Variants in GPR176 observed in about 807,000 individuals in gnomAD.
The protein encoded by GPR176 is G protein-coupled receptor 176, also known as G-protein coupled receptor 176.
Under a neutral mutation model 35.4 loss-of-function variants are expected in GPR176, and 26 were observed. The ratio of observed to expected loss-of-function variants is 0.74; its 90% CI spans 0.54 to 1.02. The LOEUF (loss-of-function observed/expected upper bound fraction) is 1.02, where lower values mean the gene tolerates loss of function less well. GPR176 is among the 50% of genes least tolerant of loss of function. The probability of loss-of-function intolerance (pLI) is 0.00; values close to 1 mark genes in which losing one functional copy is unlikely to be tolerated. For synonymous variants in GPR176, 278 were observed against 271.3 expected (o/e 1.02, Z -0.24); for missense variants, 597 against 665.3 (o/e 0.90, Z 1.13).
rs557396308 is a variant in GPR176 at position 39,858,272 on chromosome 15, C to T, written c.173-51014G>A. On this transcript the variant is annotated intron_variant, in intron 1 of 2. Transcript: ENST00000561100. ...CTGTTAGAAATAAAATCCAATATTG[C>T]ACCAAGCATAATATGGGAATCCCAA... 3.9e-5 allele frequency among the ~76,000 whole-genome samples: 6 copies of T among 152,278 alleles called. No individual in the cohort carries two copies. The South Asian group carries it at 8.3e-4, about 21-fold the overall frequency.
intron 1 of GPR176, among the ~76,000 whole-genome samples, chr15:39,839,596 A>G (rs1343785363): frequency 6.6e-6 from 1 of 152,242 alleles, no homozygotes; most frequent in African/African-American, 2.4e-5. Flanking sequence ...AAACACCAAA[A>G]GCAATGGCAA....
At chr15:39,862,188 GT>G (rs2031626127) in intron 1 of GPR176, 1 of 152,088 alleles carries the variant, frequency 6.6e-6, no homozygotes, top group African/African-American at 2.4e-5. Context: ...AAAATTTTAT[GT>G]TTTATTCTGA....
chr15:39,824,467 T>A (rs1900492487), intron 1 of GPR176, among the ~76,000 whole-genome samples: 1 of 152,212 alleles, frequency 6.6e-6, no homozygotes, highest in Non-Finnish European at 1.5e-5. Context: ...CCAATGCACA[T>A]CAGGCCTGCC....
At position 39,878,881 on chromosome 15, in the gene GPR176, C is replaced by T. The variant is rs184813062; in HGVS notation, c.172+40974G>A. On this transcript the variant is annotated intron_variant, in intron 1 of 2. Coordinates refer to ENST00000561100, the MANE Select transcript of GPR176 (RefSeq NM_007223.3). ...TGACAGTCAGGGAGGGGTGGCTGGCCGAAAGGCCAACACTGAAGAAACCCC... is the reference window on the plus strand; with the variant it reads ...TGACAGTCAGGGAGGGGTGGCTGGCTGAAAGGCCAACACTGAAGAAACCCC... Among the ~76,000 whole-genome samples the T allele has an allele frequency of 1.6e-4, 25 of 152,290 alleles. 1 individual carries two copies. In the East Asian group the frequency reaches 2.7e-3, roughly 16 times the overall value.
At chr15:39,835,130 G>A (rs377209639) in intron 1 of GPR176, among the ~76,000 whole-genome samples, 1 of 152,060 alleles carries the variant, frequency 6.6e-6, no homozygotes, top group East Asian at 1.9e-4. Context: ...CAATTCTCCT[G>A]CTTCAGCCTC....
At chr15:39,859,841 T>C (rs914071507) in intron 1 of GPR176, among the ~76,000 whole-genome samples, 1 of 152,114 alleles carries the variant, frequency 6.6e-6, no homozygotes, top group Non-Finnish European at 1.5e-5. Flanking sequence ...TTAATGGGTG[T>C]AGAGTTTCAG....
At chr15:39,919,746 A>G (rs2033824278) in intron 1 of GPR176, 109 bp downstream of exon 1, 1 of 805,076 alleles carries the variant, frequency 1.2e-6, no homozygotes, top group Non-Finnish European at 1.8e-6. Flanking sequence ...AACTCTCTGC[A>G]CTTTGCCAGG....
In GPR176 at chr15:39,801,528, T is replaced by C; in HGVS notation, c.1152A>G (p.Thr384=). The C allele has an allele frequency of 6.2e-7, 1 of 1,614,170 alleles. No homozygotes were observed. The highest frequency in any genetic ancestry group is 1.1e-5 in the South Asian group (1 of 91,090). ...TGGCCTCACTCTCTTCCTCATCCTC[T>C]GTGGGCTTAAAGATCTGCTGCTGCC... ...HIGQQQIFKP[T]EDEEESEAKY... is the part of the protein sequence containing the mutation. The change falls in exon 3 of 3, where the codon ACA becomes ACG. Residue 384 remains threonine (T), a synonymous_variant. Coordinates refer to ENST00000561100, the MANE Select transcript of GPR176 (RefSeq NM_007223.3).
At chr15:39,804,626 A>AAAAAAAC (rs1183466555) in intron 2 of GPR176, among the ~76,000 whole-genome samples, 1 of 152,194 alleles carries the variant, frequency 6.6e-6, no homozygotes, top group Non-Finnish European at 1.5e-5. Flanking sequence ...TTAAAAAAAA[A>AAAAAAAC]AAAAAACTTT....
chr15:39,815,724 T>C (rs1899858699), intron 1 of GPR176, among the ~76,000 whole-genome samples: 2 of 152,366 alleles, frequency 1.3e-5, no homozygotes, highest in South Asian at 2.1e-4. Flanking sequence ...ACAGCCATTA[T>C]GACAAACACC....
rs779719596 is a variant in GPR176, at chr15:39,801,154, A to G, written c.1526T>C (p.Ile509Thr). 1 of 1,603,402 alleles carries G rather than the reference A, an allele frequency of 6.2e-7. No homozygotes were observed. The highest frequency in any genetic ancestry group is 8.5e-7 in the Non-Finnish European group (1 of 1,173,136). ...TTGCTAGGAATCCACCTTTGGAAAA[A>G]TGCTCACTTTATTGTTTCTGCTCAT... ...RKMSRNNKVSIFPKVDS is the reference protein window; with the variant it reads ...RKMSRNNKVSTFPKVDS Residue 509 changes from isoleucine (I) to threonine (T), a missense_variant, in exon 3 of 3, where the codon ATT (isoleucine) becomes ACT (threonine). By Grantham distance (89) the Ile-to-Thr change is moderately conservative. This residue lies in a region of GPR176 where 251 missense variants were observed against 255.4 expected (regional missense o/e 0.98). Coordinates refer to ENST00000561100, the MANE Select transcript of GPR176 (RefSeq NM_007223.3).
intron 1 of GPR176, among the ~76,000 whole-genome samples, chr15:39,866,755 C>T (rs561276801): frequency 6.6e-5 from 10 of 152,142 alleles, no homozygotes; most frequent in East Asian, 1.9e-4. Flanking sequence ...TGTGTATCCC[C>T]GAATCTAAAA....
At chr15:39,871,065 C>T (rs896842755) in intron 1 of GPR176, among the ~76,000 whole-genome samples, 1 of 152,146 alleles carries the variant, frequency 6.6e-6, no homozygotes, top group Admixed American at 6.5e-5. Context: ...TGACATAATA[C>T]ATTTGTGTTG....
intron 1 of GPR176, among the ~76,000 whole-genome samples, chr15:39,830,105 G>A (rs146950788): frequency 1.3e-5 from 2 of 152,118 alleles, no homozygotes; most frequent in East Asian, 3.9e-4. Context: ...AAAATCCTAA[G>A]GTAGTGCTAA....
chr15:39,800,065 C>CT lies in GPR176; in HGVS notation c.*1066dup, dbSNP rs1345246310. 1 of 152,224 alleles carries CT rather than the reference C, an allele frequency of 6.6e-6. No homozygotes were observed. Among genetic ancestry groups the CT allele is most frequent in the Non-Finnish European group, 1.5e-5 (1 of 68,042 alleles). 9.4% of individuals were successfully genotyped at this position (152,224 alleles called of 1,614,324 possible). ...GGAGTCTTCCTCGGAAGGAAACCAT[C>CT]TTTGTCAGATTCTTGCCAACCTTTT... On this transcript the variant is annotated 3_prime_UTR_variant, in exon 3 of 3. Transcript: ENST00000561100.
rs77726522 is a variant in GPR176, at chr15:39,870,170, T to A, written c.172+49685A>T. ...ATTGTCACATCTCCTCCTTCTGTAGTCAAATCTCCCTCCCTGTGCCTCGCT... is the reference window on the plus strand; with the variant it reads ...ATTGTCACATCTCCTCCTTCTGTAGACAAATCTCCCTCCCTGTGCCTCGCT... On this transcript the variant is annotated intron_variant, in intron 1 of 2. Coordinates refer to ENST00000561100, the MANE Select transcript of GPR176 (RefSeq NM_007223.3). Among the ~76,000 whole-genome samples the A allele has an allele frequency of 4.4e-4, 67 of 152,308 alleles. 2 individuals are homozygous for A. The East Asian group carries it at 0.013, about 29-fold the overall frequency.
intron 1 of GPR176, among the ~76,000 whole-genome samples, chr15:39,900,974 G>A (rs1433332008): frequency 6.6e-6 from 1 of 152,236 alleles, no homozygotes; most frequent in African/African-American, 2.4e-5. Context: ...GTGAGGCAGA[G>A]AACAAGTGCC....
At chr15:39,842,626 GAC>G (rs906906186) in intron 1 of GPR176, among the ~76,000 whole-genome samples, 40 of 152,142 alleles carry the variant, frequency 2.6e-4, no homozygotes, top group African/African-American at 9.6e-4. Flanking sequence ...ACCATAAAGA[GAC>G]ACAGTGAAAA....
At chr15:39,894,680 C>T (rs1473507960) in intron 1 of GPR176, among the ~76,000 whole-genome samples, 4 of 151,488 alleles carry the variant, frequency 2.6e-5, no homozygotes, top group African/African-American at 7.3e-5. Context: ...GGAAGAGGTG[C>T]TCCTCACTTC....
Sources: gnomAD v4.1 joint callset for allele counts (sites outside exome capture counted in the v4.1 genomes callset) on GRCh38, gnomAD v4.1.1 for gene constraint, gnomAD v4.1.1 regional missense constraint, MANE v1.5 for transcripts, NCBI Gene and HGNC (gene_info 2026-07-23, HGNC 2026-07-21) for gene names.